Variants in SPMIP2 observed in about 807,000 individuals in gnomAD.
SPMIP2 encodes the protein sperm microtubule inner protein 2.
the SPMIP2 span, among the ~76,000 whole-genome samples, chr4:158,981,365 G>A: frequency 1.3e-5 from 2 of 152,222 alleles, no homozygotes; most frequent in East Asian, 1.9e-4. Context: ...ACACCATAAA[G>A]ATACTCCTTG....
chr4:159,024,308 A>G, the SPMIP2 span, among the ~76,000 whole-genome samples: 3 of 152,174 alleles, frequency 2.0e-5, no homozygotes, highest in East Asian at 3.8e-4. Flanking sequence ...CTAAAAGGTG[A>G]TATCTTTGGT....
chr4:158,897,007 G>A, the SPMIP2 span, among the ~76,000 whole-genome samples: 7 of 139,208 alleles, frequency 5.0e-5, no homozygotes, highest in Non-Finnish European at 1.1e-4. Context: ...CCCCCCACCC[G>A]CCAAATAGGC....
the SPMIP2 span, among the ~76,000 whole-genome samples, chr4:158,957,154 T>C: frequency 6.6e-6 from 1 of 152,118 alleles, no homozygotes; most frequent in Non-Finnish European, 1.5e-5. Context: ...CCATATAACA[T>C]TCCAACATTC....
At chr4:158,897,997 CTTGAG>C in the SPMIP2 span, among the ~76,000 whole-genome samples, 1 of 152,156 alleles carries the variant, frequency 6.6e-6, no homozygotes, top group African/African-American at 2.4e-5. Context: ...TTTAATCCAT[CTTGAG>C]TTAATTTTTG....
At chr4:159,037,967 CTCTCTCTCTCTCTT>C in the SPMIP2 span, among the ~76,000 whole-genome samples, 2 of 151,088 alleles carry the variant, frequency 1.3e-5, no homozygotes, top group African/African-American at 4.9e-5. Context: ...AAAGATATTT[CTCTCTCTCTCTCTT>C]TCTCTCTCTC....
the SPMIP2 span, among the ~76,000 whole-genome samples, chr4:159,082,763 T>C: frequency 6.6e-6 from 1 of 152,196 alleles, no homozygotes. Context: ...TCAATTCAAC[T>C]ACTTACCTAT....
the SPMIP2 span, among the ~76,000 whole-genome samples, chr4:158,917,148 G>T: frequency 2.0e-5 from 3 of 152,212 alleles, no homozygotes; most frequent in African/African-American, 7.2e-5. Flanking sequence ...TACTCAGGAG[G>T]CCGAGGCAGG....
the SPMIP2 span, among the ~76,000 whole-genome samples, chr4:159,049,533 T>C: frequency 1.2e-4 from 18 of 152,240 alleles, no homozygotes; most frequent in Non-Finnish European, 2.5e-4. Flanking sequence ...AATGATCAAA[T>C]CAGGGCATTT....
chr4:158,979,922 C>G, the SPMIP2 span, among the ~76,000 whole-genome samples: 1 of 151,934 alleles, frequency 6.6e-6, no homozygotes, highest in Non-Finnish European at 1.5e-5. Context: ...ATCCCCTCCC[C>G]ACAGAACCCA....
the SPMIP2 span, among the ~76,000 whole-genome samples, chr4:159,054,359 A>G: frequency 3.3e-5 from 5 of 152,110 alleles, no homozygotes; most frequent in Non-Finnish European, 7.4e-5. Flanking sequence ...CTTAAAAATC[A>G]TATCATAATG....
At chr4:159,011,923 C>T in the SPMIP2 span, among the ~76,000 whole-genome samples, 1 of 151,232 alleles carries the variant, frequency 6.6e-6, no homozygotes, top group African/African-American at 2.4e-5. Context: ...ATTAGCTGGG[C>T]GTGGTGGTGT....
chr4:158,929,016 C>T, the SPMIP2 span, among the ~76,000 whole-genome samples: 8 of 152,192 alleles, frequency 5.3e-5, no homozygotes, highest in East Asian at 1.9e-4. Context: ...AGCGTCCGAG[C>T]GTCCGTGGCT....
chr4:158,924,736 C>T, the SPMIP2 span, among the ~76,000 whole-genome samples: 6 of 152,140 alleles, frequency 3.9e-5, no homozygotes, highest in Non-Finnish European at 8.8e-5. Context: ...ACTTGAACTT[C>T]TAGGCCCAAG....
chr4:158,949,283 T>C, the SPMIP2 span, among the ~76,000 whole-genome samples: 8 of 152,236 alleles, frequency 5.3e-5, no homozygotes, highest in African/African-American at 1.4e-4. Flanking sequence ...TGGTGACTCA[T>C]TGATTAGCTT....
the SPMIP2 span, among the ~76,000 whole-genome samples, chr4:159,026,970 G>A: frequency 2.6e-5 from 4 of 151,130 alleles, no homozygotes; most frequent in African/African-American, 9.7e-5. Flanking sequence ...TAAGGGGTTG[G>A]TTCAGGTGCT....
the SPMIP2 span, among the ~76,000 whole-genome samples, chr4:159,074,286 T>C: frequency 3.3e-5 from 5 of 152,138 alleles, no homozygotes; most frequent in African/African-American, 1.2e-4. Context: ...TGTATGCTCA[T>C]ATAGCAGTGA....
At chr4:159,073,861 G>A in the SPMIP2 span, among the ~76,000 whole-genome samples, 2 of 152,170 alleles carry the variant, frequency 1.3e-5, 1 homozygote, top group Middle Eastern at 6.8e-3. Flanking sequence ...AAAATTAGCT[G>A]GGCATCATGG....
chr4:158,956,330 C>G, the SPMIP2 span, among the ~76,000 whole-genome samples: 16 of 152,248 alleles, frequency 1.1e-4, no homozygotes, highest in African/African-American at 3.6e-4. Context: ...CTTTGGGAGG[C>G]CGCGTGGGTG....
chr4:158,969,990 C>A, the SPMIP2 span, among the ~76,000 whole-genome samples: 4 of 152,102 alleles, frequency 2.6e-5, no homozygotes, highest in Non-Finnish European at 5.9e-5. Flanking sequence ...AACTGGAGAA[C>A]GAACAGGAAG....
Sources: gnomAD v4.1 joint callset for allele counts (sites outside exome capture counted in the v4.1 genomes callset) on GRCh38, gnomAD v4.1.1 for gene constraint, MANE v1.5 for transcripts, NCBI Gene and HGNC (gene_info 2026-07-23, HGNC 2026-07-21) for gene names.